Variants in CHCHD3 observed in about 807,000 individuals in gnomAD.
CHCHD3 encodes the protein coiled-coil-helix-coiled-coil-helix domain containing 3.
Under a neutral mutation model 38.2 loss-of-function variants are expected in CHCHD3, and 20 were observed. The observed-to-expected ratio is 0.52, with a 90% CI of 0.37 to 0.76. The LOEUF (loss-of-function observed/expected upper bound fraction) is 0.76. Ranked by LOEUF, CHCHD3 falls within the 30% of genes least tolerant of loss-of-function variation. CHCHD3 has a pLI of 0.00. For synonymous variants in CHCHD3, 82 were observed against 100.0 expected (o/e 0.82, Z 1.07); for missense variants, 245 against 279.2 (o/e 0.88, Z 0.87).
At chr7:133,046,630 C>T (rs1242695556) in intron 2 of CHCHD3, among the ~76,000 whole-genome samples, 7 of 151,970 alleles carry the variant, frequency 4.6e-5, no homozygotes, top group South Asian at 4.1e-4. Context: ...GGCGCGATCT[C>T]GGCTCACTGC....
intron 3 of CHCHD3, among the ~76,000 whole-genome samples, chr7:132,996,474 A>G (rs1812419589): frequency 6.6e-6 from 1 of 152,250 alleles, no homozygotes; most frequent in Non-Finnish European, 1.5e-5. Context: ...AGAAGCATAA[A>G]ACAAAATAGT....
chr7:133,021,419 C>T (rs896448940), intron 3 of CHCHD3, among the ~76,000 whole-genome samples: 11 of 152,200 alleles, frequency 7.2e-5, no homozygotes, highest in African/African-American at 2.4e-4. Flanking sequence ...TTCCTCACCA[C>T]ACACAGTTTT....
At chr7:132,870,237 G>C (rs953006031) in intron 5 of CHCHD3, among the ~76,000 whole-genome samples, 48 of 151,404 alleles carry the variant, frequency 3.2e-4, no homozygotes, top group Admixed American at 2.4e-3. Flanking sequence ...GTAGTCTCAG[G>C]TATTCAGGAG....
intron 4 of CHCHD3, among the ~76,000 whole-genome samples, chr7:132,945,506 G>C (rs1012480578): frequency 6.6e-6 from 1 of 151,842 alleles, no homozygotes; most frequent in African/African-American, 2.4e-5. Context: ...AAATGGTTTA[G>C]ATGTGATTAA....
At chr7:133,028,715 T>A (rs971169083) in intron 2 of CHCHD3, among the ~76,000 whole-genome samples, 2 of 152,048 alleles carry the variant, frequency 1.3e-5, no homozygotes, top group Non-Finnish European at 2.9e-5. Context: ...TGAAACCCTG[T>A]CTCTACTACA....
At chr7:133,003,394 CAGG>C (rs1374026931) in intron 3 of CHCHD3, among the ~76,000 whole-genome samples, 1 of 152,096 alleles carries the variant, frequency 6.6e-6, no homozygotes, top group Non-Finnish European at 1.5e-5. Context: ...GGGTCAATCC[CAGG>C]AGAAGACAAG....
At chr7:132,825,098 C>A (rs1288096259) in intron 6 of CHCHD3, among the ~76,000 whole-genome samples, 2 of 152,126 alleles carry the variant, frequency 1.3e-5, no homozygotes, top group African/African-American at 2.4e-5. Context: ...TGAGTATAAG[C>A]CCTCTGAGGG....
chr7:132,898,919 C>T (rs1197581547), intron 4 of CHCHD3, among the ~76,000 whole-genome samples: 1 of 152,214 alleles, frequency 6.6e-6, no homozygotes, highest in Non-Finnish European at 1.5e-5. Flanking sequence ...CCGCCAAGCC[C>T]ACACCCACCC....
At chr7:132,856,378 T>C (rs180838431) in intron 5 of CHCHD3, among the ~76,000 whole-genome samples, 28 of 152,360 alleles carry the variant, frequency 1.8e-4, no homozygotes, top group South Asian at 8.3e-4. Context: ...GTGACCCTTG[T>C]GATCTGAACA....
intron 4 of CHCHD3, among the ~76,000 whole-genome samples, chr7:132,918,124 C>T (rs1428602163): frequency 6.6e-6 from 1 of 152,126 alleles, no homozygotes; most frequent in Non-Finnish European, 1.5e-5. Flanking sequence ...TAAAGACTGG[C>T]TTAGTGATTC....
intron 2 of CHCHD3, among the ~76,000 whole-genome samples, chr7:133,047,021 G>C (rs939061787): frequency 6.6e-6 from 1 of 152,154 alleles, no homozygotes; most frequent in Non-Finnish European, 1.5e-5. Flanking sequence ...CTGTGGTCTA[G>C]AGTAAATCAC....
intron 3 of CHCHD3, among the ~76,000 whole-genome samples, chr7:133,002,749 A>G (rs1812605898): frequency 6.6e-6 from 1 of 152,186 alleles, no homozygotes. Flanking sequence ...TCAAATATCT[A>G]TAGAACCCTT....
chr7:133,005,600 A>C (rs2117399293), intron 3 of CHCHD3, among the ~76,000 whole-genome samples: 1 of 152,360 alleles, frequency 6.6e-6, no homozygotes, highest in Admixed American at 6.5e-5. Flanking sequence ...TTTTCATTTC[A>C]ATCTACAAAT....
Position 132,885,731 on chromosome 7 carries a change from T to A in CHCHD3, c.384A>T (p.Glu128Asp). The A allele has an allele frequency of 6.2e-7, 1 of 1,609,020 alleles. No homozygotes were observed. Among genetic ancestry groups the A allele is most frequent in the Non-Finnish European group, 8.5e-7 (1 of 1,178,322 alleles). ...AKAKHLARQL[E>D]EKDRVLKKQD... ...GCTTCTTTAGCACTCGGTCTTTCTCTTCCAGCTGCCTAGCCTAAAAAAAGA... is the reference window on the plus strand; with the variant it reads ...GCTTCTTTAGCACTCGGTCTTTCTCATCCAGCTGCCTAGCCTAAAAAAAGA... The change falls in exon 5 of 8, where the codon GAA becomes GAT. Residue 128 changes from glutamate (E) to aspartate (D), a missense_variant. Physicochemically the swap from Glu to Asp is conservative, Grantham distance 45 (BLOSUM62 2). Coordinates refer to ENST00000262570, the MANE Select transcript of CHCHD3 (RefSeq NM_017812.4).
intron 1 of CHCHD3, among the ~76,000 whole-genome samples, chr7:133,076,222 A>G (rs1332362469): frequency 6.6e-6 from 1 of 152,180 alleles, no homozygotes; most frequent in Non-Finnish European, 1.5e-5. Flanking sequence ...TACCAAGGGC[A>G]ATTTACAGAA....
chr7:133,036,055 T>G (rs940085637), intron 2 of CHCHD3: 1 of 719,120 alleles, frequency 1.4e-6, no homozygotes. Context: ...CCAACACACA[T>G]GATGATTTCA....
At chr7:133,016,996 A>C (rs893733294) in intron 3 of CHCHD3, among the ~76,000 whole-genome samples, 1 of 152,240 alleles carries the variant, frequency 6.6e-6, no homozygotes, top group South Asian at 2.1e-4. Context: ...TATTTGGGTA[A>C]GGAAAGTACA....
chr7:132,886,305 C>T (rs918208427), intron 4 of CHCHD3, among the ~76,000 whole-genome samples: 4 of 151,804 alleles, frequency 2.6e-5, no homozygotes, highest in Admixed American at 6.6e-5. Flanking sequence ...TAATAAATAA[C>T]CATATTTAAA....
At chr7:133,025,666 A>G (rs1434539464) in intron 2 of CHCHD3, among the ~76,000 whole-genome samples, 1 of 152,054 alleles carries the variant, frequency 6.6e-6, no homozygotes, top group African/African-American at 2.4e-5. Flanking sequence ...CACCACACCT[A>G]GCTAATTTTT....
Sources: gnomAD v4.1 joint callset for allele counts (sites outside exome capture counted in the v4.1 genomes callset) on GRCh38, gnomAD v4.1.1 for gene constraint, MANE v1.5 for transcripts, NCBI Gene and HGNC (gene_info 2026-07-23, HGNC 2026-07-21) for gene names.